ATG2B: variants seen among roughly 807,000 people sequenced by gnomAD.
ATG2B encodes autophagy-related protein 2 homolog B.
Under a neutral mutation model 241.3 loss-of-function variants are expected in ATG2B, and 121 were observed. The ratio of observed to expected loss-of-function variants is 0.50; its 90% CI spans 0.43 to 0.58. ATG2B has a LOEUF of 0.58. ATG2B is among the 20% of genes least tolerant of loss of function. The probability of loss-of-function intolerance (pLI) is 0.00; values close to 1 mark genes in which losing one functional copy is unlikely to be tolerated. For synonymous variants in ATG2B, 858 were observed against 876.6 expected (o/e 0.98, Z 0.37); for missense variants, 2,306 against 2,491.6 (o/e 0.93, Z 1.59).
At position 96,322,602 on chromosome 14, in the gene ATG2B, C is replaced by A. The variant is rs768500613; in HGVS notation, c.2674G>T (p.Asp892Tyr). 2 of 1,613,642 alleles carry A rather than the reference C, an allele frequency of 1.2e-6. No homozygotes were observed. Among genetic ancestry groups the A allele is most frequent in the South Asian group, 2.2e-5 (2 of 91,046 alleles). The change falls in exon 17 of 42, where the codon GAT becomes TAT. Residue 892 changes from aspartate to tyrosine, a missense_variant. By Grantham distance (160) the Asp-to-Tyr change is radical (BLOSUM62 -3). This residue lies in a region of ATG2B where 1,927 missense variants were observed against 2,011.2 expected (regional missense o/e 0.96). Coordinates refer to ENST00000359933, the MANE Select transcript of ATG2B (RefSeq NM_018036.7). Reference protein sequence around the residue: ...GGAHSLKDVCDLRRPAPSPFS... With the variant: ...GGAHSLKDVCYLRRPAPSPFS... Reference sequence around the variant, plus strand: ...GGAGATGGGGCTGGTCTTCTTAGATCACAAACATCTTTCAAGGAATGAGCA... The same window carrying A: ...GGAGATGGGGCTGGTCTTCTTAGATAACAAACATCTTTCAAGGAATGAGCA...
chr14:96,302,960 A>T, intron 33 of ATG2B, 101 bp downstream of exon 33: 1 of 856,434 alleles, frequency 1.2e-6, no homozygotes, highest in Admixed American at 3.2e-5. Flanking sequence ...AAATGAGAAA[A>T]GATATCTAGT....
chr14:96,308,493 G>A (rs1887065772), intron 29 of ATG2B, among the ~76,000 whole-genome samples: 1 of 146,080 alleles, frequency 6.8e-6, no homozygotes, highest in African/African-American at 2.5e-5. Flanking sequence ...TGGAGAGATG[G>A]GGTTTCACCA....
intron 1 of ATG2B, among the ~76,000 whole-genome samples, chr14:96,355,156 A>G (rs1260358761): frequency 6.6e-6 from 1 of 152,086 alleles, no homozygotes; most frequent in African/African-American, 2.4e-5. Flanking sequence ...ACCATTTCTC[A>G]GTTTTTGCTT....
At position 96,317,220 on chromosome 14, in the gene ATG2B, G is replaced by A; in HGVS notation, c.3135C>T (p.Asn1045=). ...CTGAGAGAAAACTCTGAGAGTTCTT[G>A]TTCTGAGAGTCTAATTTTTTTTTCC... ...SRRKKKLDSQ[N]KNSQSFLSVL... is the part of the protein sequence containing the mutation. Residue 1045 remains asparagine (N), a synonymous_variant, in exon 20 of 42, where the codon AAC becomes AAT. Coordinates refer to ENST00000359933, the MANE Select transcript of ATG2B (RefSeq NM_018036.7). 1 of 1,613,340 alleles carries A rather than the reference G, an allele frequency of 6.2e-7. No individual in the cohort carries two copies. Among genetic ancestry groups the A allele is most frequent in the Non-Finnish European group, 8.5e-7 (1 of 1,179,368 alleles).
chr14:96,291,511 T>A (rs1383418914), intron 38 of ATG2B, 89 bp downstream of exon 38: 3 of 867,262 alleles, frequency 3.5e-6, no homozygotes, highest in Non-Finnish European at 5.6e-6. Flanking sequence ...TAAAATTGTG[T>A]ATGCATGCTA....
At chr14:96,350,413 A>C (rs1888283493) in intron 1 of ATG2B, among the ~76,000 whole-genome samples, 1 of 152,206 alleles carries the variant, frequency 6.6e-6, no homozygotes, top group East Asian at 1.9e-4. Context: ...AAGAGTGGTC[A>C]AGCTCAACAA....
intron 1 of ATG2B, among the ~76,000 whole-genome samples, chr14:96,361,689 C>T (rs748936924): frequency 6.6e-6 from 1 of 152,016 alleles, no homozygotes; most frequent in Admixed American, 6.6e-5. Context: ...CATTATCACT[C>T]GGCTAATTGT....
Position 96,290,760 on chromosome 14 carries a change from A to G in ATG2B, c.5701+54T>C. 6.3e-7 allele frequency: 1 copy of G among 1,583,816 alleles called. No homozygotes were observed. Among genetic ancestry groups the G allele is most frequent in the Non-Finnish European group, 8.6e-7 (1 of 1,164,814 alleles). On this transcript the variant is annotated intron_variant, in intron 39 of 41. Transcript: ENST00000359933. This position sits in a 1 kb window ranked among gnomAD's most constrained non-coding sequence, Gnocchi z 4.4. ...CACATAAGTTCTCAAAGGGATAAGA[A>G]TTACTCATCTGAAAAAATAACTTAT...
At chr14:96,317,924 ATCCTTTT>A in intron 18 of ATG2B, 69 bp from the exon 19 acceptor site, 1 of 1,200,154 alleles carries the variant, frequency 8.3e-7, no homozygotes, top group Non-Finnish European at 1.1e-6. Flanking sequence ...TTAAAAAAAA[ATCCTTTT>A]AAAAGATCGT....
At chr14:96,319,708 T>C (rs928398330) in intron 18 of ATG2B, among the ~76,000 whole-genome samples, 3 of 152,202 alleles carry the variant, frequency 2.0e-5, no homozygotes, top group Non-Finnish European at 2.9e-5. Context: ...CCAGTTAATG[T>C]AGAATGTCCT....
At chr14:96,353,757 AATTTAT>A (rs1199881058) in intron 1 of ATG2B, among the ~76,000 whole-genome samples, 12 of 151,930 alleles carry the variant, frequency 7.9e-5, no homozygotes, top group Non-Finnish European at 1.2e-4. Flanking sequence ...AAACAATTTC[AATTTAT>A]ATGTTTTTAT....
intron 12 of ATG2B, 26 bp downstream of exon 12, chr14:96,329,458 T>G: frequency 2.0e-6 from 3 of 1,495,460 alleles, no homozygotes; most frequent in Non-Finnish European, 2.7e-6. Context: ...AAAAATAATC[T>G]TAAAGAAAAA....
intron 1 of ATG2B, among the ~76,000 whole-genome samples, chr14:96,348,553 C>T (rs566020619): frequency 4.0e-5 from 6 of 151,786 alleles, no homozygotes; most frequent in East Asian, 3.9e-4. Context: ...CGTGGTAGGA[C>T]GTGCCTGTAA....
chr14:96,336,717 G>A (rs1887877822), intron 6 of ATG2B, among the ~76,000 whole-genome samples: 1 of 152,120 alleles, frequency 6.6e-6, no homozygotes, highest in African/African-American at 2.4e-5. Flanking sequence ...TTACAGACAT[G>A]GCAAATGCAT....
chr14:96,315,674 A>AT, intron 21 of ATG2B, 91 bp from the exon 22 acceptor site: 1 of 927,916 alleles, frequency 1.1e-6, no homozygotes, highest in Non-Finnish European at 1.7e-6. Flanking sequence ...AAATCCACGT[A>AT]CTTCCACTGA....
rs571070929 is a variant in ATG2B, at chr14:96,281,174, G to A, written c.*4581C>T. 1.1e-4 allele frequency: 16 copies of A among 152,194 alleles called. No homozygotes were observed. The highest frequency in any genetic ancestry group is 3.4e-3 in the Middle Eastern group (1 of 294). 9.4% of individuals were successfully genotyped at this position (152,194 alleles called of 1,614,324 possible). On this transcript the variant is annotated 3_prime_UTR_variant, in exon 42 of 42. Coordinates refer to ENST00000359933, the MANE Select transcript of ATG2B (RefSeq NM_018036.7). ...ATCATTTCCCAATAACAAGGTCTGA[G>A]GCAGATGTACACCCCACCCCAATAA...
intron 2 of ATG2B, among the ~76,000 whole-genome samples, chr14:96,346,596 C>G (rs1467884289): frequency 6.6e-6 from 1 of 152,112 alleles, no homozygotes; most frequent in African/African-American, 2.4e-5. Context: ...ACCAACATAC[C>G]TGTCACCTAG....
intron 18 of ATG2B, among the ~76,000 whole-genome samples, chr14:96,319,980 A>AG (rs943153608): frequency 6.6e-6 from 1 of 152,214 alleles, no homozygotes; most frequent in Non-Finnish European, 1.5e-5. Flanking sequence ...ATGCAATTCT[A>AG]GGGGCCTGAG....
Position 96,305,601 on chromosome 14 carries a change from G to A in ATG2B, c.4721C>T (p.Ala1574Val). 1 of 1,608,786 alleles carries A rather than the reference G, an allele frequency of 6.2e-7. No homozygotes were observed. The highest frequency in any genetic ancestry group is 8.5e-7 in the Non-Finnish European group (1 of 1,175,650). ...DFGIVPPTSP[A>V]KSYISPHSSP... is the part of the protein sequence containing the mutation. ...GAAATTAACTTACATATAACTTTTA[G>A]CCGGAGAAGTGGGAGGGACTATTCC... The change falls in exon 31 of 42, where the codon GCT becomes GTT. Residue 1574 changes from alanine (A) to valine (V), a missense_variant. Around this residue, in one of 2 missense-constraint regions of ATG2B, gnomAD observed 1,927 missense variants for 2,011.2 expected, o/e 0.96. Coordinates refer to ENST00000359933, the MANE Select transcript of ATG2B (RefSeq NM_018036.7).
Sources: gnomAD v4.1 joint callset for allele counts (sites outside exome capture counted in the v4.1 genomes callset) on GRCh38, gnomAD v4.1.1 for gene constraint, gnomAD v4.1.1 regional missense constraint, Gnocchi (gnomAD v3.1) non-coding constraint, MANE v1.5 for transcripts, NCBI Gene and HGNC (gene_info 2026-07-23, HGNC 2026-07-21) for gene names.